SCN9A: variants seen among roughly 807,000 people sequenced by gnomAD.
SCN9A encodes sodium voltage-gated channel alpha subunit 9.
In SCN9A, 131 loss-of-function variants were observed where a neutral mutation model predicts 187.0. The observed-to-expected ratio is 0.70, with a 90% CI of 0.61 to 0.81. The LOEUF (loss-of-function observed/expected upper bound fraction) is 0.81, where lower values mean the gene tolerates loss of function less well. Ranked by LOEUF, SCN9A falls within the 30% of genes least tolerant of loss-of-function variation. SCN9A has a pLI of 0.00. For synonymous variants in SCN9A, 809 were observed against 808.6 expected, an observed-to-expected ratio of 1.00 and a Z score of -0.01; for missense variants, 2,252 against 2,396.6, an observed-to-expected ratio of 0.94 and a Z score of 1.26.
intron 13 of SCN9A, 58 bp downstream of exon 13, chr2:166,281,620 AC>A (rs1328134966): frequency 4.6e-5 from 70 of 1,523,276 alleles, no homozygotes; most frequent in Non-Finnish European, 6.0e-5. Flanking sequence ...TTTAAGGTTG[AC>A]CAGATTTATG....
At position 166,354,477 on chromosome 2, in the gene SCN9A, A is replaced by G. The variant is rs529872397; in HGVS notation, c.-51+21220T>C. 3.3e-4 allele frequency among the ~76,000 whole-genome samples: 50 copies of G among 152,314 alleles called. No homozygotes were observed. The South Asian group carries it at 4.4e-3, about 13-fold the overall frequency. On this transcript the variant is annotated intron_variant, in intron 1 of 26. Coordinates refer to ENST00000642356, the MANE Select transcript of SCN9A (RefSeq NM_001365536.1). ...CTAATTTGGGATTACACAAATCCCA[A>G]AGTTTTTAAGTTCACAGCAGAACTT...
chr2:166,356,505 T>C (rs539661794), intron 1 of SCN9A, among the ~76,000 whole-genome samples: 2 of 152,264 alleles, frequency 1.3e-5, no homozygotes, highest in South Asian at 4.1e-4. Flanking sequence ...TCCCCATAAA[T>C]AGCATTCTTA....
intron 4 of SCN9A, among the ~76,000 whole-genome samples, 163 bp downstream of exon 4, chr2:166,306,347 G>C (rs980488125): frequency 1.2e-4 from 18 of 151,994 alleles, no homozygotes; most frequent in Non-Finnish European, 2.9e-5. Context: ...TAATCTAGCA[G>C]GTTAATATCA....
Position 166,284,637 on chromosome 2 carries a change from C to T in SCN9A, c.1790G>A (p.Arg597Gln), listed in dbSNP as rs200821646. ...GGCTTGGCTGATGTTACTGCTGCGT[C>T]GCTCCTGGGGTCTGTGGGGCACAAA... The part of the protein sequence containing the change: ...SLFVPHRPQE[R>Q]RSSNISQASR... The change falls in exon 12 of 27, where the codon CGA becomes CAA. Residue 597 changes from arginine to glutamine, a missense_variant. Physicochemically the swap from Arg to Gln is conservative, Grantham distance 43 (BLOSUM62 1). Coordinates refer to ENST00000642356, the MANE Select transcript of SCN9A (RefSeq NM_001365536.1). The T allele has an allele frequency of 4.0e-5, 65 of 1,613,860 alleles. No homozygotes were observed. Among genetic ancestry groups the T allele is most frequent in the Non-Finnish European group, 5.0e-5 (59 of 1,179,892 alleles).
At chr2:166,355,499 C>A (rs906877642) in intron 1 of SCN9A, among the ~76,000 whole-genome samples, 1 of 151,612 alleles carries the variant, frequency 6.6e-6, no homozygotes, top group East Asian at 1.9e-4. Flanking sequence ...TTCTTGTTTG[C>A]CAAGGGATTG....
At chr2:166,294,727 G>T in intron 7 of SCN9A, 65 bp from the exon 8 acceptor site, 1 of 1,151,748 alleles carries the variant, frequency 8.7e-7, no homozygotes, top group Non-Finnish European at 1.2e-6. Context: ...TGATAAAGGA[G>T]GTAAATTAAT....
intron 1 of SCN9A, among the ~76,000 whole-genome samples, chr2:166,357,383 C>T (rs975678083): frequency 3.3e-5 from 5 of 152,176 alleles, no homozygotes; most frequent in African/African-American, 1.2e-4. Context: ...CTATCCTACC[C>T]TAACTCTGCT....
chr2:166,292,786 G>A (rs1698135391), intron 9 of SCN9A, among the ~76,000 whole-genome samples: 1 of 152,074 alleles, frequency 6.6e-6, no homozygotes, highest in Admixed American at 6.6e-5. Context: ...AATTGATTTG[G>A]GAGAGAAAAA....
chr2:166,289,090 T>C (rs895048100), intron 9 of SCN9A, among the ~76,000 whole-genome samples: 5 of 152,170 alleles, frequency 3.3e-5, no homozygotes, highest in African/African-American at 1.2e-4. Flanking sequence ...TTTATTCATC[T>C]CATAGGTATT....
At chr2:166,308,911 G>A (rs1341542572) in intron 2 of SCN9A, among the ~76,000 whole-genome samples, 3 of 128,506 alleles carry the variant, frequency 2.3e-5, no homozygotes, top group East Asian at 4.3e-4. Flanking sequence ...GGGCAACAGA[G>A]GGAGACTCTG....
At chr2:166,319,588 T>A (rs1467400585) in intron 1 of SCN9A, among the ~76,000 whole-genome samples, 4 of 152,088 alleles carry the variant, frequency 2.6e-5, no homozygotes, top group Admixed American at 6.5e-5. Flanking sequence ...AAATTCCTCC[T>A]CTAGATCAAA....
rs535558092 is a variant in SCN9A, at chr2:166,322,042, C to T, written c.-50-10236G>A. Among the ~76,000 whole-genome samples, 12 of 152,196 alleles carry T rather than the reference C, an allele frequency of 7.9e-5. No homozygotes were observed. The South Asian group carries it at 2.1e-3, about 26-fold the overall frequency. ...TTATTTTAAAACGCTGATCTTCCAACTTTCAGGAATGTGTAACAACATTCA... is the reference window on the plus strand; with the variant it reads ...TTATTTTAAAACGCTGATCTTCCAATTTTCAGGAATGTGTAACAACATTCA... On this transcript the variant is annotated intron_variant, in intron 1 of 26. Transcript: ENST00000642356.
At chr2:166,327,348 G>A (rs1399757320) in intron 1 of SCN9A, among the ~76,000 whole-genome samples, 1 of 152,042 alleles carries the variant, frequency 6.6e-6, no homozygotes, top group African/African-American at 2.4e-5. Context: ...GTAGAGACAA[G>A]GTCTCACCAT....
At chr2:166,306,146 A>C (rs1000052686) in intron 4 of SCN9A, among the ~76,000 whole-genome samples, 1 of 152,108 alleles carries the variant, frequency 6.6e-6, no homozygotes, top group Non-Finnish European at 1.5e-5. Context: ...ATAACTAAGA[A>C]TATAGGTCTC....
At chr2:166,303,498 A>G (rs1282728939) in intron 6 of SCN9A, among the ~76,000 whole-genome samples, 196 bp from the exon 7 acceptor site, 1 of 152,132 alleles carries the variant, frequency 6.6e-6, no homozygotes, top group East Asian at 1.9e-4. Flanking sequence ...TAAAAATAGG[A>G]ACATATTCTC....
intron 1 of SCN9A, among the ~76,000 whole-genome samples, chr2:166,371,170 TAAAG>T (rs1700551841): frequency 6.6e-6 from 1 of 152,226 alleles, no homozygotes; most frequent in Non-Finnish European, 1.5e-5. Flanking sequence ...TCTCCTGTGT[TAAAG>T]AAACAACAAC....
At chr2:166,361,450 CA>C (rs200048101) in intron 1 of SCN9A, among the ~76,000 whole-genome samples, 1 of 152,134 alleles carries the variant, frequency 6.6e-6, no homozygotes, top group East Asian at 1.9e-4. Context: ...CAATATATGC[CA>C]CACACAGCCA....
intron 24 of SCN9A, among the ~76,000 whole-genome samples, chr2:166,221,361 A>G (rs886790898): frequency 6.6e-6 from 1 of 152,182 alleles, no homozygotes; most frequent in Non-Finnish European, 1.5e-5. Context: ...CAATCTTAAG[A>G]AAAAAGAACA....
In SCN9A at chr2:166,286,420, C is replaced by G; in HGVS notation, c.1518G>C (p.Glu506Asp). 6.2e-7 allele frequency: 1 copy of G among 1,613,878 alleles called. No individual in the cohort carries two copies. The highest frequency in any genetic ancestry group is 8.5e-7 in the Non-Finnish European group (1 of 1,179,826). The change falls in exon 11 of 27, where the codon GAG becomes GAC. Residue 506 changes from glutamate (E) to aspartate (D), a missense_variant. Coordinates refer to ENST00000642356, the MANE Select transcript of SCN9A (RefSeq NM_001365536.1). Reference sequence around the variant, plus strand: ...GGAAACTTTTTCTTCTGATGCTGTCCTCTGATTCTGATTTCGACAATTTCT... The same window carrying G: ...GGAAACTTTTTCTTCTGATGCTGTCGTCTGATTCTGATTTCGACAATTTCT... Reference protein sequence around the residue: ...DAEKLSKSESEDSIRRKSFHL... With the variant: ...DAEKLSKSESDDSIRRKSFHL...
Sources: gnomAD v4.1 joint callset for allele counts (sites outside exome capture counted in the v4.1 genomes callset) on GRCh38, gnomAD v4.1.1 for gene constraint, MANE v1.5 for transcripts, NCBI Gene and HGNC (gene_info 2026-07-23, HGNC 2026-07-21) for gene names.